Variants in PRRC2A observed in about 807,000 individuals in gnomAD.
The protein encoded by PRRC2A is protein PRRC2A.
In PRRC2A, 59 loss-of-function variants were observed where a neutral mutation model predicts 224.6. The ratio of observed to expected loss-of-function variants is 0.26; its 90% CI spans 0.21 to 0.33. The LOEUF (loss-of-function observed/expected upper bound fraction) is 0.33. Among genes scored for constraint, PRRC2A ranks in the 10% least tolerant of loss-of-function variants. The pLI, the probability that PRRC2A is intolerant of heterozygous loss-of-function variation, is 1.00. For missense variants in PRRC2A, 3,095 were observed against 2,880.7 expected (o/e 1.07, Z -1.70); for synonymous variants, 1,194 against 1,109.5 (o/e 1.08, Z -1.51).
At chr6:31,624,605 C>T (rs930910037) in intron 5 of PRRC2A, 83 bp downstream of exon 5, 1 of 1,454,488 alleles carries the variant, frequency 6.9e-7, no homozygotes, top group African/African-American at 1.4e-5. Context: ...GCCAAGTGAC[C>T]TTGGTCCTCT....
At chr6:31,621,658 T>C (rs1459062865) in intron 1 of PRRC2A, among the ~76,000 whole-genome samples, 2 of 152,212 alleles carry the variant, frequency 1.3e-5, no homozygotes, top group African/African-American at 4.8e-5. Flanking sequence ...ATCCATCTTA[T>C]CTCTAGCTTG....
Position 31,627,655 on chromosome 6 carries a change from G to T in PRRC2A, c.1291-110G>T. 2 of 1,378,090 alleles carry T rather than the reference G, an allele frequency of 1.5e-6. No homozygotes were observed. The highest frequency in any genetic ancestry group is 2.0e-6 in the Non-Finnish European group (2 of 1,023,590). The allele number at this position is 1,378,090 out of a possible 1,614,324, so 85.4% of individuals were successfully genotyped here. On this transcript the variant is annotated intron_variant, in intron 11 of 30. Coordinates refer to ENST00000376033, the MANE Select transcript of PRRC2A (RefSeq NM_004638.4). This position sits in a 1 kb window ranked among gnomAD's most constrained non-coding sequence, Gnocchi z 5.6. ...ACCACCCAGAGAGATCAACCCCAAA[G>T]CCTGGGTCGTTGCATCCTGCAAGTA... is the stretch of plus-strand genomic sequence containing the variant.
rs754325475 is a variant in PRRC2A at position 31,631,814 on chromosome 6, G to A, written c.3141G>A (p.Arg1047=). 6.3e-7 allele frequency: 1 copy of A among 1,592,876 alleles called. No homozygotes were observed. The highest frequency in any genetic ancestry group is 1.1e-5 in the South Asian group (1 of 88,742). Residue 1047 remains arginine, a synonymous_variant, in exon 16 of 31, where the codon CGG becomes CGA. Transcript: ENST00000376033. The surrounding 1 kb of genome is among the most constrained non-coding windows in gnomAD (Gnocchi z 4.5). ...GFRGTYGGRG[R]GARSREFRSY... ...GGGGGACCTATGGGGGACGAGGGCG[G>A]GGAGCCCGAAGCCGGGAATTCCGCA...
At chr6:31,628,893 C>T (rs1053269102) in intron 12 of PRRC2A, 2 of 481,542 alleles carry the variant, frequency 4.2e-6, no homozygotes, top group Middle Eastern at 5.4e-4. Context: ...AAAACTATTT[C>T]CTATAGGCCA....
chr6:31,636,829 C>T lies in PRRC2A; in HGVS notation c.6031C>T (p.Pro2011Ser), dbSNP rs1752927164. ...PPAPPPLSLL[P>S]VGPALQPPSL... ...TGCCCCACCTCCCCTTTCTCTGTTA[C>T]CTGTGGGCCCTGCTCTGCAGCCCCC... The change falls in exon 28 of 31, where the codon CCT (proline) becomes TCT (serine). Residue 2011 changes from proline (P) to serine (S), a missense_variant. By Grantham distance (74) the Pro-to-Ser change is moderately conservative. Coordinates refer to ENST00000376033, the MANE Select transcript of PRRC2A (RefSeq NM_004638.4). This position sits in a 1 kb window ranked among gnomAD's most constrained non-coding sequence, Gnocchi z 4.3. The T allele has an allele frequency of 6.2e-7, 1 of 1,612,046 alleles. No homozygotes were observed. The highest frequency in any genetic ancestry group is 8.5e-7 in the Non-Finnish European group (1 of 1,179,998).
rs142428555 is a variant in PRRC2A, at chr6:31,633,861, C to T, written c.4591C>T (p.Pro1531Ser). ...QRVNSGLSSDPHFEEPGPMVR... is the reference protein window; with the variant it reads ...QRVNSGLSSDSHFEEPGPMVR... The stretch of plus-strand genomic sequence containing the variant: ...CTGACCCTTTTTCTCTTTCCCAGAC[C>T]CCCACTTTGAGGAGCCGGGGCCAAT... Residue 1531 changes from proline to serine, a missense_variant and splice_region_variant, in exon 18 of 31, where the codon CCC becomes TCC. Coordinates refer to ENST00000376033, the MANE Select transcript of PRRC2A (RefSeq NM_004638.4). 84 of 1,576,398 alleles carry T rather than the reference C, an allele frequency of 5.3e-5. No homozygotes were observed. The highest frequency in any genetic ancestry group is 1.5e-5 in the Non-Finnish European group (17 of 1,170,002).
In PRRC2A at chr6:31,636,279, G is replaced by T; in HGVS notation, c.5695G>T (p.Gly1899Cys). The change falls in exon 26 of 31, where the codon GGC becomes TGC. Residue 1899 changes from glycine (G) to cysteine (C), a missense_variant. Gly to Cys is a radical substitution (Grantham distance 159). This residue lies in a region of PRRC2A where 662 missense variants were observed against 609.5 expected (regional missense o/e 1.09). Transcript: ENST00000376033. This position sits in a 1 kb window ranked among gnomAD's most constrained non-coding sequence, Gnocchi z 4.3. ...ACTGCTCTCTGGGTTAGCTCTCAAGGGCCAGTTTCTGGATTTCTCCACAAT... is the reference window on the plus strand; with the variant it reads ...ACTGCTCTCTGGGTTAGCTCTCAAGTGCCAGTTTCTGGATTTCTCCACAAT... ...SALLSGLALK[G>C]QFLDFSTMQA... 6.2e-7 allele frequency: 1 copy of T among 1,612,926 alleles called. No homozygotes were observed.
At position 31,631,816 on chromosome 6, in the gene PRRC2A, GA is replaced by G; in HGVS notation, c.3144del (p.Ala1049ProfsTer161). Reference sequence around the variant, plus strand: ...GGGACCTATGGGGGACGAGGGCGGGGAGCCCGAAGCCGGGAATTCCGCAGTT... The same window carrying G: ...GGGACCTATGGGGGACGAGGGCGGGGGCCCGAAGCCGGGAATTCCGCAGTT... ...FRGTYGGRGR[G>X]ARSREFRSYR... On this transcript the variant is annotated frameshift_variant, in exon 16 of 31. Transcript: ENST00000376033. LOFTEE classifies it high-confidence loss of function. This position sits in a 1 kb window ranked among gnomAD's most constrained non-coding sequence, Gnocchi z 4.5. 6.3e-7 allele frequency: 1 copy of G among 1,593,602 alleles called. No individual in the cohort carries two copies. The highest frequency in any genetic ancestry group is 1.1e-5 in the South Asian group (1 of 88,926).
Position 31,631,073 on chromosome 6 carries a change from T to C in PRRC2A, c.2466-66T>C. On this transcript the variant is annotated intron_variant, in intron 15 of 30. Coordinates refer to ENST00000376033, the MANE Select transcript of PRRC2A (RefSeq NM_004638.4). The surrounding 1 kb of genome is among the most constrained non-coding windows in gnomAD (Gnocchi z 4.5). Reference sequence around the variant, plus strand: ...GAGAGTCTGCATCATAATAAAGTGTTCTTTTCCCACCTAGTTCTGGTTTTC... The same window carrying C: ...GAGAGTCTGCATCATAATAAAGTGTCCTTTTCCCACCTAGTTCTGGTTTTC... 1 of 1,398,750 alleles carries C rather than the reference T, an allele frequency of 7.1e-7. No homozygotes were observed. Among genetic ancestry groups the C allele is most frequent in the South Asian group, 1.4e-5 (1 of 71,526 alleles). 86.6% of individuals were successfully genotyped at this position (1,398,750 alleles called of 1,614,324 possible).
Position 31,631,653 on chromosome 6 carries a change from C to G in PRRC2A, c.2980C>G (p.Pro994Ala). 1 of 1,516,450 alleles carries G rather than the reference C, an allele frequency of 6.6e-7. No homozygotes were observed. The highest frequency in any genetic ancestry group is 8.8e-7 in the Non-Finnish European group (1 of 1,134,604). The allele number at this position is 1,516,450 out of a possible 1,614,324, so 93.9% of individuals were successfully genotyped here. ...GATAACCAAGGGGAAGCTAGGGGGC[C>G]CCAAGGAGACCCCACCCAATGGAAA... is the stretch of plus-strand genomic sequence containing the variant. ...LKITKGKLGG[P>A]KETPPNGNLS... is the part of the protein sequence containing the mutation. The change falls in exon 16 of 31, where the codon CCC becomes GCC. Residue 994 changes from proline (P) to alanine (A), a missense_variant. Physicochemically the swap from Pro to Ala is conservative, Grantham distance 27. This residue lies in a region of PRRC2A where 2,001 missense variants were observed against 1,764.9 expected (regional missense o/e 1.13). Transcript: ENST00000376033. This position sits in a 1 kb window ranked among gnomAD's most constrained non-coding sequence, Gnocchi z 4.5.
Position 31,636,010 on chromosome 6 carries a change from G to C in PRRC2A, c.5585G>C (p.Gly1862Ala), listed in dbSNP as rs2150536129. The C allele has an allele frequency of 6.2e-7, 1 of 1,613,612 alleles. No individual in the cohort carries two copies. The highest frequency in any genetic ancestry group is 2.2e-5 in the East Asian group (1 of 44,880). Residue 1862 changes from glycine to alanine, a missense_variant, in exon 25 of 31, where the codon GGA (glycine) becomes GCA (alanine). Transcript: ENST00000376033. This position sits in a 1 kb window ranked among gnomAD's most constrained non-coding sequence, Gnocchi z 4.3. ...AMDSQLHPNS[G>A]GFRPGTPSLH... The stretch of plus-strand genomic sequence containing the variant: ...GACTCTCAATTACATCCAAACAGTG[G>C]AGGCTTCCGCCCTGGGACACCCTCA...
In PRRC2A at chr6:31,633,996, G is replaced by A. The variant is rs779317270; in HGVS notation, c.4719+7G>A. ...ACCAGAGCTGCTACAGGAGGTAAGG[G>A]ATGGGTTTGAGATTGTGCTTCACTG... is the stretch of plus-strand genomic sequence containing the variant. On this transcript the variant is annotated splice_region_variant and intron_variant, in intron 18 of 30. Coordinates refer to ENST00000376033, the MANE Select transcript of PRRC2A (RefSeq NM_004638.4). 5 of 1,604,128 alleles carry A rather than the reference G, an allele frequency of 3.1e-6. No individual in the cohort carries two copies. Among genetic ancestry groups the A allele is most frequent in the African/African-American group, 2.7e-5 (2 of 74,200 alleles).
rs1319854013 is a variant in PRRC2A, at chr6:31,631,481, A to G, written c.2808A>G (p.Gly936=). The part of the protein sequence containing the change: ...WGPRPGSSRR[G]IPPEEPGAPP... The stretch of plus-strand genomic sequence containing the variant: ...CTCGTCCAGGGAGCAGTCGTCGTGG[A>G]ATCCCTCCAGAGGAGCCAGGGGCCC... Residue 936 remains glycine (G), a synonymous_variant, in exon 16 of 31, where the codon GGA becomes GGG. Coordinates refer to ENST00000376033, the MANE Select transcript of PRRC2A (RefSeq NM_004638.4). This position sits in a 1 kb window ranked among gnomAD's most constrained non-coding sequence, Gnocchi z 4.5. 3 of 1,610,544 alleles carry G rather than the reference A, an allele frequency of 1.9e-6. No individual in the cohort carries two copies. Among genetic ancestry groups the G allele is most frequent in the Middle Eastern group, 1.7e-4 (1 of 6,050 alleles).
chr6:31,629,504 G>A (rs988867643), intron 13 of PRRC2A, 44 bp from the exon 14 acceptor site: 2 of 1,434,352 alleles, frequency 1.4e-6, no homozygotes, highest in Admixed American at 1.7e-5. Context: ...CTTTGTCCAT[G>A]TGTGCTTTGA....
At chr6:31,622,084 A>G (rs1561789261) in intron 1 of PRRC2A, among the ~76,000 whole-genome samples, 1 of 152,228 alleles carries the variant, frequency 6.6e-6, no homozygotes, top group Non-Finnish European at 1.5e-5. Flanking sequence ...TGAGGTTCCT[A>G]TAGCCTGGGA....
In PRRC2A at chr6:31,626,845, G is replaced by C. The variant is rs1274548943; in HGVS notation, c.1056G>C (p.Glu352Asp). The C allele has an allele frequency of 3.7e-6, 6 of 1,608,110 alleles. No homozygotes were observed. In the Admixed American group the frequency reaches 1.0e-4, roughly 27 times the overall value. ...SDEEDGRDSD[E>D]EGAEGHRDSQ... ...AGGAAGATGGGCGAGACTCTGATGA[G>C]GAGGGTGCTGAGGGCCAGTGAGTTA... The change falls in exon 10 of 31, where the codon GAG (glutamate) becomes GAC (aspartate). Residue 352 changes from glutamate to aspartate, a missense_variant. Coordinates refer to ENST00000376033, the MANE Select transcript of PRRC2A (RefSeq NM_004638.4).
In PRRC2A at chr6:31,629,820, C is replaced by T; in HGVS notation, c.2229C>T (p.Phe743=). 2 of 1,613,986 alleles carry T rather than the reference C, an allele frequency of 1.2e-6. No homozygotes were observed. Among genetic ancestry groups the T allele is most frequent in the Non-Finnish European group, 1.7e-6 (2 of 1,179,888 alleles). ...TCCAGGGTCGTCCCCCTCTAGACTT[C>T]TACCCTCCTGGTGTGCATCCCTCTG... ...RLLQGRPPLD[F]YPPGVHPSGL... Residue 743 remains phenylalanine (F), a synonymous_variant, in exon 14 of 31, where the codon TTC becomes TTT. Coordinates refer to ENST00000376033, the MANE Select transcript of PRRC2A (RefSeq NM_004638.4).
At position 31,632,779 on chromosome 6, in the gene PRRC2A, C is replaced by A. The variant is rs769457025; in HGVS notation, c.4106C>A (p.Ser1369Tyr). 9 of 1,612,964 alleles carry A rather than the reference C, an allele frequency of 5.6e-6. No homozygotes were observed. Among genetic ancestry groups the A allele is most frequent in the Non-Finnish European group, 7.6e-6 (9 of 1,180,026 alleles). Residue 1369 changes from serine to tyrosine, a missense_variant, in exon 16 of 31, where the codon TCC (serine) becomes TAC (tyrosine). By Grantham distance (144) the Ser-to-Tyr change is moderately radical. Around this residue, in one of 8 missense-constraint regions of PRRC2A, gnomAD observed 2,001 missense variants for 1,764.9 expected, o/e 1.13. Transcript: ENST00000376033. ...GGAVPGISAM[S>Y]RGDLSQRAKD... is the part of the protein sequence containing the mutation. ...GCCGTACCAGGTATTTCAGCCATGTCCCGCGGAGATCTGAGCCAGAGAGCC... is the reference window on the plus strand; with the variant it reads ...GCCGTACCAGGTATTTCAGCCATGTACCGCGGAGATCTGAGCCAGAGAGCC...
Position 31,632,365 on chromosome 6 carries a change from A to C in PRRC2A, c.3692A>C (p.Asn1231Thr). 1 of 1,613,246 alleles carries C rather than the reference A, an allele frequency of 6.2e-7. No individual in the cohort carries two copies. Among genetic ancestry groups the C allele is most frequent in the Admixed American group, 1.7e-5 (1 of 60,018 alleles). The change falls in exon 16 of 31, where the codon AAT becomes ACT. Residue 1231 changes from asparagine (N) to threonine (T), a missense_variant. Asn to Thr is a moderately conservative substitution (Grantham distance 65). Transcript: ENST00000376033. ...VARGGSNGGS[N>T]VGMEDGERPR... ...CGCGGAGGCAGCAATGGAGGTAGCAATGTGGGCATGGAAGATGGGGAGCGA... is the reference window on the plus strand; with the variant it reads ...CGCGGAGGCAGCAATGGAGGTAGCACTGTGGGCATGGAAGATGGGGAGCGA...
Sources: gnomAD v4.1 joint callset for allele counts (sites outside exome capture counted in the v4.1 genomes callset) on GRCh38, gnomAD v4.1.1 for gene constraint, gnomAD v4.1.1 regional missense constraint, Gnocchi (gnomAD v3.1) non-coding constraint, MANE v1.5 for transcripts, NCBI Gene and HGNC (gene_info 2026-07-23, HGNC 2026-07-21) for gene names.